COPS3: variants seen among roughly 807,000 people sequenced by gnomAD.
The protein encoded by COPS3 is COP9 signalosome subunit 3.
In COPS3, 10 loss-of-function variants were observed where a neutral mutation model predicts 58.2. That is an observed-to-expected ratio of 0.17 (90% CI 0.11 to 0.29). The LOEUF is 0.29. COPS3 is among the 10% of genes least tolerant of loss of function. COPS3 has a pLI of 1.00. For synonymous variants in COPS3, 187 were observed against 181.7 expected (o/e 1.03, Z -0.24); for missense variants, 333 against 510.1 (o/e 0.65, Z 3.34).
chr17:17,247,377 C>T, intron 11 of COPS3, 103 bp downstream of exon 11: 1 of 1,173,998 alleles, frequency 8.5e-7, no homozygotes, highest in African/African-American at 1.5e-5. Context: ...GTAAGGTTTT[C>T]AAGAAATATT....
At chr17:17,275,141 A>G (rs1047248644) in intron 2 of COPS3, among the ~76,000 whole-genome samples, 14 of 149,388 alleles carry the variant, frequency 9.4e-5, no homozygotes, top group Non-Finnish European at 1.2e-4. Context: ...CCCAGGCTGG[A>G]GTGCAGTGGT....
rs1347714872 is a variant in COPS3 at position 17,262,216 on chromosome 17, C to T, written c.622-110G>A. The T allele has an allele frequency of 2.9e-6, 3 of 1,026,506 alleles. No homozygotes were observed. The African/African-American group carries it at 5.0e-5, about 17-fold the overall frequency. 63.6% of individuals were successfully genotyped at this position (1,026,506 alleles called of 1,614,324 possible). A position where few individuals can be genotyped will look rare whatever the true frequency, so the allele number is the denominator to read the frequency against. On this transcript the variant is annotated intron_variant, in intron 6 of 11. Transcript: ENST00000268717. Reference sequence around the variant, plus strand: ...AGTCAATAATACTTTTTAAATGTCCCATTATTTTTATAACAGCCTTATTGA... The same window carrying T: ...AGTCAATAATACTTTTTAAATGTCCTATTATTTTTATAACAGCCTTATTGA...
At chr17:17,262,181 A>AT in intron 6 of COPS3, 75 bp from the exon 7 acceptor site, 1 of 1,324,944 alleles carries the variant, frequency 7.5e-7, no homozygotes, top group Non-Finnish European at 1.0e-6. Flanking sequence ...CATGTATCAC[A>AT]TTAATTATAA....
chr17:17,255,272 C>G (rs2047942434), intron 8 of COPS3, among the ~76,000 whole-genome samples: 1 of 150,820 alleles, frequency 6.6e-6, no homozygotes, highest in Middle Eastern at 3.6e-3. Context: ...TGAACTCCAG[C>G]CTGGGTGACA....
At chr17:17,271,545 C>A (rs189787137) in intron 2 of COPS3, among the ~76,000 whole-genome samples, 2 of 151,364 alleles carry the variant, frequency 1.3e-5, no homozygotes, top group East Asian at 3.9e-4. Context: ...TTAGGCCTGG[C>A]GCAGTGGCTC....
chr17:17,265,492 G>A lies in COPS3; in HGVS notation c.442-511C>T, dbSNP rs9747076. ...CAGCTCACTGCAACCTCCACCTCCCGGGTTCAAGTGATTCTCCTGCATTAG... is the reference window on the plus strand; with the variant it reads ...CAGCTCACTGCAACCTCCACCTCCCAGGTTCAAGTGATTCTCCTGCATTAG... On this transcript the variant is annotated intron_variant, in intron 5 of 11. Transcript: ENST00000268717. Among the ~76,000 whole-genome samples, 25 of 150,906 alleles carry A rather than the reference G, an allele frequency of 1.7e-4. 1 individual carries two copies. Among genetic ancestry groups the A allele is most frequent in the Admixed American group, 1.5e-3 (22 of 15,044 alleles).
intron 7 of COPS3, among the ~76,000 whole-genome samples, chr17:17,261,054 A>C (rs2048087748): frequency 6.6e-6 from 1 of 152,210 alleles, no homozygotes; most frequent in Non-Finnish European, 1.5e-5. Flanking sequence ...GTAATAACAC[A>C]GCAGGTGAAA....
intron 2 of COPS3, among the ~76,000 whole-genome samples, chr17:17,274,350 A>G (rs2048413901): frequency 6.6e-6 from 1 of 152,184 alleles, no homozygotes; most frequent in South Asian, 2.1e-4. Context: ...GTATGGTGAC[A>G]TTGTTAAGTC....
chr17:17,262,214 C>A (rs1038245652), intron 6 of COPS3, 108 bp from the exon 7 acceptor site: 2 of 1,044,524 alleles, frequency 1.9e-6, no homozygotes, highest in African/African-American at 1.6e-5. Flanking sequence ...TTTTAAATGT[C>A]CCATTATTTT....
Position 17,264,989 on chromosome 17 carries a change from CAAATTGATATT to C in COPS3, c.442-19_442-9del. ...TTTTGCTAGCAAACAAAGCTGTGAA[CAAATTGATATT>C]AAATCATCACTTTAATTTTACTTAG... On this transcript the variant is annotated splice_polypyrimidine_tract_variant and intron_variant, in intron 5 of 11. Transcript: ENST00000268717. 1.2e-6 allele frequency: 2 copies of C among 1,606,278 alleles called. No homozygotes were observed. Among genetic ancestry groups the C allele is most frequent in the Non-Finnish European group, 1.7e-6 (2 of 1,178,384 alleles).
At chr17:17,252,780 A>T (rs2047882058) in intron 9 of COPS3, among the ~76,000 whole-genome samples, 2 of 152,190 alleles carry the variant, frequency 1.3e-5, no homozygotes, top group Admixed American at 6.5e-5. Context: ...AAGCGTCTAT[A>T]GCTTATTCTG....
At chr17:17,253,819 T>C (rs931459718) in intron 9 of COPS3, among the ~76,000 whole-genome samples, 2 of 152,106 alleles carry the variant, frequency 1.3e-5, no homozygotes, top group East Asian at 1.9e-4. Flanking sequence ...ATGAGGGTTA[T>C]GAGGTTTACA....
At chr17:17,258,248 C>T (rs956981253) in intron 8 of COPS3, among the ~76,000 whole-genome samples, 5 of 152,202 alleles carry the variant, frequency 3.3e-5, no homozygotes, top group African/African-American at 4.8e-5. Context: ...TTGTGAGTCA[C>T]TACCCCAGCC....
At chr17:17,253,419 A>G (rs1037548665) in intron 9 of COPS3, among the ~76,000 whole-genome samples, 3 of 152,192 alleles carry the variant, frequency 2.0e-5, no homozygotes, top group African/African-American at 4.8e-5. Flanking sequence ...ATAGTCATTT[A>G]AATGATGCTT....
intron 1 of COPS3, among the ~76,000 whole-genome samples, chr17:17,279,521 A>C (rs557912071): frequency 6.6e-6 from 1 of 152,188 alleles, no homozygotes; most frequent in South Asian, 2.1e-4. Flanking sequence ...CTATTAATAA[A>C]AAGGAAAAAG....
chr17:17,253,350 G>C (rs932642503), intron 9 of COPS3, among the ~76,000 whole-genome samples: 1 of 152,186 alleles, frequency 6.6e-6, no homozygotes, highest in African/African-American at 2.4e-5. Flanking sequence ...TCAGAACTAT[G>C]TACTTATGTA....
chr17:17,267,472 T>C (rs2048252120), intron 5 of COPS3, among the ~76,000 whole-genome samples: 2 of 151,668 alleles, frequency 1.3e-5, no homozygotes, highest in African/African-American at 2.4e-5. Flanking sequence ...AACCCTGTTC[T>C]ACTAAAAATA....
At chr17:17,254,825 A>AG (rs1597664649) in intron 9 of COPS3, 34 bp downstream of exon 9, 1 of 1,399,590 alleles carries the variant, frequency 7.1e-7, no homozygotes, top group Non-Finnish European at 9.7e-7. Context: ...AAAAAAAAAA[A>AG]AAAAAAAGAA....
intron 8 of COPS3, among the ~76,000 whole-genome samples, chr17:17,258,456 G>A (rs956874914): frequency 6.6e-6 from 1 of 152,118 alleles, no homozygotes; most frequent in Non-Finnish European, 1.5e-5. Flanking sequence ...GTGCCACCAC[G>A]CCCAGCTAAT....
Sources: allele counts gnomAD v4.1 joint callset (sites outside exome capture counted in the v4.1 genomes callset), GRCh38; gene constraint gnomAD v4.1.1; transcripts MANE v1.5; gene names NCBI Gene and HGNC (gene_info 2026-07-23, HGNC 2026-07-21).